Variants in RSPH14 observed in about 807,000 individuals in gnomAD.
The protein encoded by RSPH14 is radial spoke head 14 homolog.
A neutral mutation model predicts 26.7 loss-of-function variants in RSPH14; 20 were observed. That is an observed-to-expected ratio of 0.75 (90% CI 0.53 to 1.09). The LOEUF (loss-of-function observed/expected upper bound fraction) is 1.09, where lower values mean the gene tolerates loss of function less well. Among genes scored for constraint, RSPH14 ranks in the 50% least tolerant of loss-of-function variants. RSPH14 has a pLI of 0.00. For missense variants in RSPH14, 449 were observed against 457.2 expected, an observed-to-expected ratio of 0.98 and a Z score of 0.16; for synonymous variants, 177 against 189.3, an observed-to-expected ratio of 0.93 and a Z score of 0.53.
chr22:23,074,273 T>C (rs1010681421), intron 4 of RSPH14, among the ~76,000 whole-genome samples: 2 of 152,152 alleles, frequency 1.3e-5, no homozygotes, highest in South Asian at 4.1e-4. Flanking sequence ...CATGAGGGGC[T>C]ACTGCAACAT....
At chr22:23,094,293 C>T (rs2069063307) in intron 4 of RSPH14, among the ~76,000 whole-genome samples, 1 of 152,170 alleles carries the variant, frequency 6.6e-6, no homozygotes, top group Admixed American at 6.5e-5. Flanking sequence ...GAAGCCTGAG[C>T]TTTGAGCTGC....
At chr22:23,146,091 T>C, upstream of RSPH14, 6 of 906,618 alleles carry the variant, frequency 6.6e-6, no homozygotes, top group Non-Finnish European at 7.9e-6. Context: ...CCAGGTCTTC[T>C]GACTCCCAGG....
intron 4 of RSPH14, among the ~76,000 whole-genome samples, chr22:23,099,146 C>T (rs1303240113): frequency 6.6e-6 from 1 of 152,228 alleles, no homozygotes; most frequent in Non-Finnish European, 1.5e-5. Flanking sequence ...GGAGCCACAG[C>T]CCCCCGGCCC....
the RSPH14 span, chr22:23,152,398 TGTGA>T: frequency 6.5e-7 from 1 of 1,541,190 alleles, no homozygotes; most frequent in Admixed American, 1.7e-5. Flanking sequence ...AGGAAGGGGC[TGTGA>T]GTGTCTGAAG....
chr22:23,106,702 G>A (rs1482850831), intron 4 of RSPH14, among the ~76,000 whole-genome samples: 2 of 152,254 alleles, frequency 1.3e-5, no homozygotes, highest in Non-Finnish European at 2.9e-5. Flanking sequence ...TGAGCGGTTG[G>A]CAGAGCCTGG....
At chr22:23,170,514 C>T in the RSPH14 span, among the ~76,000 whole-genome samples, 4 of 151,682 alleles carry the variant, frequency 2.6e-5, no homozygotes, top group Non-Finnish European at 4.4e-5. Flanking sequence ...TTTGGCAGGC[C>T]GAGGCGGACA....
the RSPH14 span, chr22:23,160,774 G>T: frequency 6.7e-7 from 1 of 1,490,792 alleles, no homozygotes; most frequent in Non-Finnish European, 9.1e-7. Flanking sequence ...TCTAGAAAGG[G>T]CTACGTGCCA....
At chr22:23,131,512 C>T in intron 4 of RSPH14, 1 of 795,636 alleles carries the variant, frequency 1.3e-6, no homozygotes, top group Non-Finnish European at 1.8e-6. Flanking sequence ...AAAGATTTGG[C>T]AAAGCTGGCT....
At chr22:23,170,747 A>G in the RSPH14 span, among the ~76,000 whole-genome samples, 1 of 152,026 alleles carries the variant, frequency 6.6e-6, no homozygotes, top group Admixed American at 6.6e-5. Flanking sequence ...AAATAAATAA[A>G]TAAGGCCACT....
rs950603563 is a variant in RSPH14, at chr22:23,073,133, T to C, written c.422-9000A>G. ...GCTAGCCTCAGAATACTTAAGACGG[T>C]GTGTGGTGGCAAAGGCACTCTCACT... On this transcript the variant is annotated intron_variant, in intron 4 of 6. Transcript: ENST00000216036. 2.0e-5 allele frequency among the ~76,000 whole-genome samples: 3 copies of C among 152,346 alleles called. No individual in the cohort carries two copies. In the East Asian group the frequency reaches 5.8e-4, roughly 29 times the overall value.
At position 23,110,868 on chromosome 22, in the gene RSPH14, C is replaced by T. The variant is rs573572187; in HGVS notation, c.421+23158G>A. On this transcript the variant is annotated intron_variant, in intron 4 of 6. Coordinates refer to ENST00000216036, the MANE Select transcript of RSPH14 (RefSeq NM_014433.3). ...AGGGCCCACCACACTCTGAGGCTGG[C>T]GAGCACACGGGGCAACTCAGGCCTC... 3.9e-5 allele frequency among the ~76,000 whole-genome samples: 6 copies of T among 152,310 alleles called. No individual in the cohort carries two copies. The South Asian group carries it at 6.2e-4, about 16-fold the overall frequency.
At chr22:23,092,920 G>A (rs2069025719) in intron 4 of RSPH14, among the ~76,000 whole-genome samples, 1 of 152,242 alleles carries the variant, frequency 6.6e-6, no homozygotes, top group African/African-American at 2.4e-5. Context: ...ACTGCCTTCT[G>A]AAAGGAGCAT....
At chr22:23,162,531 A>G in the RSPH14 span, 1 of 423,112 alleles carries the variant, frequency 2.4e-6, no homozygotes. Flanking sequence ...GGCCCTGCCA[A>G]GTCTAGCATG....
the RSPH14 span, chr22:23,156,081 C>A: frequency 6.5e-7 from 1 of 1,527,594 alleles, no homozygotes; most frequent in Non-Finnish European, 8.9e-7. Flanking sequence ...CAGCGGGGTC[C>A]CTGCCGGGCT....
chr22:23,080,936 GC>G (rs760822924), intron 4 of RSPH14, among the ~76,000 whole-genome samples: 1 of 152,214 alleles, frequency 6.6e-6, no homozygotes, highest in Non-Finnish European at 1.5e-5. Flanking sequence ...CTCCAGGGCA[GC>G]GGGCACTCTC....
intron 4 of RSPH14, among the ~76,000 whole-genome samples, chr22:23,126,716 C>A (rs140206318): frequency 6.6e-6 from 1 of 152,316 alleles, no homozygotes; most frequent in African/African-American, 2.4e-5. Flanking sequence ...GAGTAGGTGG[C>A]AGGGTGCCTG....
intron 4 of RSPH14, among the ~76,000 whole-genome samples, chr22:23,112,286 C>A (rs888245933): frequency 6.6e-6 from 1 of 152,240 alleles, no homozygotes; most frequent in African/African-American, 2.4e-5. Flanking sequence ...CTGGAGGAAG[C>A]AGAAGAGGCA....
At chr22:23,129,450 G>A (rs1264728358) in intron 4 of RSPH14, among the ~76,000 whole-genome samples, 1 of 152,048 alleles carries the variant, frequency 6.6e-6, no homozygotes, top group African/African-American at 2.4e-5. Context: ...CAGTGTTGGT[G>A]GATGGCAGAA....
the RSPH14 span, among the ~76,000 whole-genome samples, chr22:23,166,796 C>A: frequency 2.6e-5 from 4 of 152,288 alleles, no homozygotes; most frequent in South Asian, 8.3e-4. Context: ...CCAGCAGGCA[C>A]CACCACCCAC....
Sources: allele counts gnomAD v4.1 joint callset (sites outside exome capture counted in the v4.1 genomes callset), GRCh38; gene constraint gnomAD v4.1.1; transcripts MANE v1.5; gene names NCBI Gene and HGNC (gene_info 2026-07-23, HGNC 2026-07-21).